Variants in XDH observed in about 807,000 individuals in gnomAD.
XDH encodes xanthine dehydrogenase/oxidase.
In XDH, 138 loss-of-function variants were observed where a neutral mutation model predicts 156.1. The ratio of observed to expected loss-of-function variants is 0.88; its 90% CI spans 0.77 to 1.02. The LOEUF (loss-of-function observed/expected upper bound fraction) is 1.02. Ranked by LOEUF, XDH falls within the 50% of genes least tolerant of loss-of-function variation. XDH has a pLI of 0.00. For synonymous variants in XDH, 669 were observed against 625.7 expected, an observed-to-expected ratio of 1.07 and a Z score of -1.03; for missense variants, 1,849 against 1,684.9, an observed-to-expected ratio of 1.10 and a Z score of -1.71.
rs548556575 is a variant in XDH, at chr2:31,404,686, A to G, written c.100+1221T>C. Among the ~76,000 whole-genome samples the G allele has an allele frequency of 5.3e-5, 8 of 152,302 alleles. No individual in the cohort carries two copies. In the South Asian group the frequency reaches 1.2e-3, roughly 24 times the overall value. ...TTCTCTTCCCAGACCTCCCAGGTAGATGGGCTGTAAATGGAGTTCCATGCA... is the reference window on the plus strand; with the variant it reads ...TTCTCTTCCCAGACCTCCCAGGTAGGTGGGCTGTAAATGGAGTTCCATGCA... On this transcript the variant is annotated intron_variant, in intron 2 of 35. Transcript: ENST00000379416.
chr2:31,397,774 G>A (rs767928571), intron 5 of XDH, 45 bp from the exon 6 acceptor site: 13 of 1,610,412 alleles, frequency 8.1e-6, no homozygotes, highest in Non-Finnish European at 1.0e-5. Flanking sequence ...AGGGCCCTGG[G>A]ATGGGTGAGG....
chr2:31,348,409 A>G (rs757800258), intron 27 of XDH, 46 bp from the exon 28 acceptor site: 6 of 1,587,746 alleles, frequency 3.8e-6, no homozygotes, highest in Non-Finnish European at 8.6e-7. Flanking sequence ...GTAAAATCCA[A>G]CTCATTAAGG....
At chr2:31,386,856 T>G (rs894621874) in intron 8 of XDH, among the ~76,000 whole-genome samples, 2 of 1,936 alleles carry the variant, frequency 1.0e-3, no homozygotes, top group Non-Finnish European at 1.9e-3. Context: ...CCAACAGACC[T>G]GGCTGAAAGC....
At chr2:31,341,259 T>C (rs1329417321) in intron 33 of XDH, 70 bp downstream of exon 33, 7 of 1,394,614 alleles carry the variant, frequency 5.0e-6, no homozygotes, top group Non-Finnish European at 7.0e-6. Flanking sequence ...TTGTGGCAGG[T>C]GGCCCCAGGA....
chr2:31,387,330 G>C (rs1282657100), intron 8 of XDH, among the ~76,000 whole-genome samples: 2 of 148,336 alleles, frequency 1.3e-5, no homozygotes, highest in South Asian at 2.1e-4. Context: ...GTGGGTGTGA[G>C]GGGGTTTCCT....
At position 31,350,139 on chromosome 2, in the gene XDH, G is replaced by T. The variant is rs767431000; in HGVS notation, c.2716C>A (p.Leu906Ile). 5 of 1,614,204 alleles carry T rather than the reference G, an allele frequency of 3.1e-6. No individual in the cohort carries two copies. In the South Asian group the frequency reaches 5.5e-5, roughly 18 times the overall value. ...CCCCGGAAGGCCGTGTTGGAGGGAA[G>T]GTTGGTTTTGCACAGCCGCCCAGTG... Reference protein sequence around the residue: ...RGTGRLCKTNLPSNTAFRGFG... With the variant: ...RGTGRLCKTNIPSNTAFRGFG... Residue 906 changes from leucine (L) to isoleucine (I), a missense_variant, in exon 25 of 36, where the codon CTT (leucine) becomes ATT (isoleucine). Coordinates refer to ENST00000379416, the MANE Select transcript of XDH (RefSeq NM_000379.4).
chr2:31,388,073 T>C (rs1236279688), intron 7 of XDH, among the ~76,000 whole-genome samples, 154 bp downstream of exon 7: 1 of 152,084 alleles, frequency 6.6e-6, no homozygotes, highest in Non-Finnish European at 1.5e-5. Flanking sequence ...GACCCGGGGC[T>C]AACGTGCACC....
In XDH at chr2:31,348,383, C is replaced by T; in HGVS notation, c.3052-20G>A. 6.2e-7 allele frequency: 1 copy of T among 1,610,410 alleles called. No homozygotes were observed. Among genetic ancestry groups the T allele is most frequent in the Admixed American group, 1.7e-5 (1 of 59,928 alleles). On this transcript the variant is annotated intron_variant, in intron 27 of 35. Coordinates refer to ENST00000379416, the MANE Select transcript of XDH (RefSeq NM_000379.4). Reference sequence around the variant, plus strand: ...TCCTGCCTAGGGAAAGAGAAGGATGCCAGACACAAAATTCAGTAAAATCCA... The same window carrying T: ...TCCTGCCTAGGGAAAGAGAAGGATGTCAGACACAAAATTCAGTAAAATCCA...
chr2:31,398,688 G>C lies in XDH; in HGVS notation c.318C>G (p.Ala106=). 6.2e-7 allele frequency: 1 copy of C among 1,614,026 alleles called. No homozygotes were observed. Among genetic ancestry groups the C allele is most frequent in the Non-Finnish European group, 8.5e-7 (1 of 1,179,944 alleles). The part of the protein sequence containing the change: ...TRLHPVQERI[A]KSHGSQCGFC... ...ACCCGCACTGGGAGCCGTGGCTTTT[G>C]GCAATTCTCTCCTAAAAGATACAGA... Residue 106 remains alanine, a synonymous_variant, in exon 5 of 36, where the codon GCC becomes GCG. Coordinates refer to ENST00000379416, the MANE Select transcript of XDH (RefSeq NM_000379.4).
chr2:31,387,044 G>C (rs1306914961), intron 8 of XDH, among the ~76,000 whole-genome samples: 2 of 139,340 alleles, frequency 1.4e-5, no homozygotes, highest in Non-Finnish European at 3.1e-5. Context: ...AGGAAGGAAG[G>C]AGTTTGTTAT....
intron 17 of XDH, among the ~76,000 whole-genome samples, chr2:31,371,759 G>A (rs535228489): frequency 2.0e-4 from 30 of 152,170 alleles, no homozygotes; most frequent in South Asian, 6.2e-4. Context: ...GAGGGATCCC[G>A]TCTCCAAACT....
chr2:31,386,428 C>G lies in XDH; in HGVS notation c.779G>C (p.Gly260Ala). The change falls in exon 9 of 36, where the codon GGG (glycine) becomes GCG (alanine). Residue 260 changes from glycine to alanine, a missense_variant. Coordinates refer to ENST00000379416, the MANE Select transcript of XDH (RefSeq NM_000379.4). ...AQHPDAKLVV[G>A]NTEIGIEMKF... ...CTGGCCCTTACCAATCTCCGTGTTC[C>G]CCACGACCAGCTTGGCGTCAGGGTG... The G allele has an allele frequency of 2.5e-6, 4 of 1,613,500 alleles. No homozygotes were observed. Among genetic ancestry groups the G allele is most frequent in the Non-Finnish European group, 2.5e-6 (3 of 1,180,004 alleles).
intron 14 of XDH, among the ~76,000 whole-genome samples, chr2:31,375,791 A>T (rs1686229135): frequency 6.6e-6 from 1 of 152,240 alleles, no homozygotes; most frequent in South Asian, 2.1e-4. Flanking sequence ...AAAATCTATC[A>T]AGTCCTCACA....
At chr2:31,373,671 A>G (rs893630421) in intron 16 of XDH, among the ~76,000 whole-genome samples, 1 of 152,216 alleles carries the variant, frequency 6.6e-6, no homozygotes, top group South Asian at 2.1e-4. Context: ...CCAAAGAGAG[A>G]AATTTAGGCA....
chr2:31,403,238 C>T, intron 2 of XDH, 94 bp from the exon 3 acceptor site: 1 of 1,349,730 alleles, frequency 7.4e-7, no homozygotes, highest in Non-Finnish European at 1.0e-6. Flanking sequence ...CAGAGCCATT[C>T]ATTCCCACAC....
chr2:31,341,790 C>T (rs1434436802), intron 32 of XDH, among the ~76,000 whole-genome samples: 2 of 151,942 alleles, frequency 1.3e-5, no homozygotes, highest in Admixed American at 1.3e-4. Context: ...TTTCGTGGGG[C>T]CTGTAGGCTA....
At chr2:31,357,044 G>GA (rs1172532725) in intron 24 of XDH, among the ~76,000 whole-genome samples, 1 of 151,852 alleles carries the variant, frequency 6.6e-6, no homozygotes, top group Non-Finnish European at 1.5e-5. Flanking sequence ...AAAAATACAA[G>GA]AAAAAAATGA....
chr2:31,356,410 G>A (rs1191997466), intron 24 of XDH, among the ~76,000 whole-genome samples: 1 of 152,192 alleles, frequency 6.6e-6, no homozygotes, highest in Non-Finnish European at 1.5e-5. Flanking sequence ...CTGGAGAGAA[G>A]TAGCTTATCC....
intron 22 of XDH, among the ~76,000 whole-genome samples, 161 bp from the exon 23 acceptor site, chr2:31,365,705 T>C (rs972656935): frequency 6.6e-6 from 1 of 152,036 alleles, no homozygotes; most frequent in Non-Finnish European, 1.5e-5. Context: ...ATAGACAAGG[T>C]GGAGAATATA....
Sources: allele counts gnomAD v4.1 joint callset (sites outside exome capture counted in the v4.1 genomes callset), GRCh38; gene constraint gnomAD v4.1.1; transcripts MANE v1.5; gene names NCBI Gene and HGNC (gene_info 2026-07-23, HGNC 2026-07-21).